The following CAPZB variants were observed in gnomAD, a reference collection of about 807,000 sequenced individuals.
CAPZB encodes capping actin protein of muscle Z-line subunit beta, also known as F-actin-capping protein subunit beta.
CAPZB carries 2 observed loss-of-function variants against 38.1 expected under a neutral mutation model. The ratio of observed to expected loss-of-function variants is 0.05; its 90% CI spans 0.02 to 0.17. The LOEUF (loss-of-function observed/expected upper bound fraction) is 0.17. Among genes scored for constraint, CAPZB ranks in the 10% least tolerant of loss-of-function variants. CAPZB has a pLI of 1.00. For missense variants in CAPZB, 161 were observed against 334.2 expected (o/e 0.48, Z 4.04); for synonymous variants, 107 against 127.4 (o/e 0.84, Z 1.08).
intron 1 of CAPZB, among the ~76,000 whole-genome samples, chr1:19,428,308 C>A (rs546426456): frequency 6.6e-6 from 1 of 152,066 alleles, no homozygotes; most frequent in African/African-American, 2.4e-5. Flanking sequence ...GAGGCTGAGG[C>A]AGGAGAATCA....
chr1:19,392,307 C>G (rs1461672622), intron 2 of CAPZB, among the ~76,000 whole-genome samples: 3 of 151,842 alleles, frequency 2.0e-5, no homozygotes, highest in Non-Finnish European at 2.9e-5. Context: ...GAATAATGAC[C>G]AAGGAGCCGG....
chr1:19,386,352 C>T (rs536063014), intron 2 of CAPZB, among the ~76,000 whole-genome samples: 1 of 152,236 alleles, frequency 6.6e-6, no homozygotes, highest in Admixed American at 6.5e-5. Flanking sequence ...ACTCAAACAT[C>T]AATTTCTACC....
At chr1:19,477,457 G>C (rs922928539) in intron 1 of CAPZB, among the ~76,000 whole-genome samples, 5 of 152,238 alleles carry the variant, frequency 3.3e-5, no homozygotes, top group Non-Finnish European at 7.3e-5. Context: ...TTTGGAGTCT[G>C]AGTTCCTCAG....
intron 2 of CAPZB, among the ~76,000 whole-genome samples, chr1:19,404,501 G>A (rs907026142): frequency 2.1e-5 from 3 of 143,436 alleles, no homozygotes; most frequent in African/African-American, 7.8e-5. Context: ...ACGAGATCAC[G>A]CCACTGTACT....
At chr1:19,419,943 G>A in intron 1 of CAPZB, 193 bp from the exon 2 acceptor site, 1 of 532,068 alleles carries the variant, frequency 1.9e-6, no homozygotes, top group Non-Finnish European at 3.3e-6. Flanking sequence ...CCCTTTGACA[G>A]CAGTCTCTGT....
intron 6 of CAPZB, among the ~76,000 whole-genome samples, chr1:19,352,699 G>A (rs560682440): frequency 5.9e-5 from 9 of 152,366 alleles, no homozygotes; most frequent in East Asian, 3.9e-4. Context: ...CCTTCACTCC[G>A]ACAGCCTCAC....
chr1:19,387,605 G>A (rs1008565095), intron 2 of CAPZB, among the ~76,000 whole-genome samples: 8 of 152,180 alleles, frequency 5.3e-5, no homozygotes, highest in Non-Finnish European at 7.3e-5. Flanking sequence ...TCTCTGGTTG[G>A]AGTCCTGACA....
chr1:19,434,997 G>GAAAA (rs3048150), intron 1 of CAPZB, among the ~76,000 whole-genome samples: 1 of 134,442 alleles, frequency 7.4e-6, no homozygotes. Context: ...TGTCTCAAAG[G>GAAAA]AAAAAAAAAA....
chr1:19,391,953 G>C (rs111561774), intron 2 of CAPZB, among the ~76,000 whole-genome samples: 2,525 of 152,228 alleles, frequency 0.017, 66 homozygotes, highest in African/African-American at 0.057. Flanking sequence ...GGCTGAGGAG[G>C]GTGGATCACT....
chr1:19,347,256 A>C (rs2100260488), intron 6 of CAPZB, among the ~76,000 whole-genome samples: 1 of 152,302 alleles, frequency 6.6e-6, no homozygotes, highest in East Asian at 1.9e-4. Flanking sequence ...GCACATTTTA[A>C]ACTCAGAGAT....
At chr1:19,408,565 C>T (rs1307364150) in intron 2 of CAPZB, among the ~76,000 whole-genome samples, 1 of 152,200 alleles carries the variant, frequency 6.6e-6, no homozygotes, top group East Asian at 1.9e-4. Flanking sequence ...GATGGGGCAG[C>T]TCATAGGCCT....
At chr1:19,442,185 T>C (rs2094479689) in intron 1 of CAPZB, among the ~76,000 whole-genome samples, 1 of 152,152 alleles carries the variant, frequency 6.6e-6, no homozygotes, top group South Asian at 2.1e-4. Context: ...GGCTCACAAA[T>C]TTTTTAACTG....
At chr1:19,431,647 G>C (rs542989506) in intron 1 of CAPZB, among the ~76,000 whole-genome samples, 26 of 152,088 alleles carry the variant, frequency 1.7e-4, no homozygotes, top group African/African-American at 6.0e-4. Flanking sequence ...CGTGAACCCA[G>C]GAGGCGGAGC....
intron 2 of CAPZB, 105 bp from the exon 3 acceptor site, chr1:19,385,731 T>C: frequency 7.1e-7 from 1 of 1,407,154 alleles, no homozygotes. Context: ...CTTTAACATC[T>C]GGCCCTGGGC....
At chr1:19,420,609 G>T (rs12027702) in intron 1 of CAPZB, among the ~76,000 whole-genome samples, 44,165 of 150,122 alleles carry the variant, frequency 0.29, 6,958 homozygotes, top group Middle Eastern at 0.38. Flanking sequence ...TGGGGGGGAG[G>T]GGGGGAACAT....
intron 2 of CAPZB, among the ~76,000 whole-genome samples, chr1:19,399,201 A>T (rs2094289840): frequency 6.6e-6 from 1 of 152,164 alleles, no homozygotes; most frequent in Non-Finnish European, 1.5e-5. Context: ...TGGACCGTAC[A>T]CTTTAAAAGT....
intron 4 of CAPZB, among the ~76,000 whole-genome samples, chr1:19,366,328 T>C (rs1185918277): frequency 1.5e-5 from 2 of 132,094 alleles, no homozygotes; most frequent in Non-Finnish European, 3.1e-5. Flanking sequence ...TAAATGGTCA[T>C]GAGGGACACT....
chr1:19,428,469 AGTG>A (rs986836210), intron 1 of CAPZB, among the ~76,000 whole-genome samples: 1 of 152,088 alleles, frequency 6.6e-6, no homozygotes, highest in African/African-American at 2.4e-5. Flanking sequence ...TGAACAATTC[AGTG>A]GCTATGTTAA....
chr1:19,437,213 T>TA lies in CAPZB; in HGVS notation c.4-17464dup, dbSNP rs2094460955. On this transcript the variant is annotated intron_variant, in intron 1 of 8. Transcript: ENST00000264202. The stretch of plus-strand genomic sequence containing the variant: ...TCATTAAAAGCAAACAGTCTTGCAA[T>TA]AAGGAACCGTAAGCTAGGAAGGCCT... Among the ~76,000 whole-genome samples, 3 of 152,280 alleles carry TA rather than the reference T, an allele frequency of 2.0e-5. No homozygotes were observed. In the South Asian group the frequency reaches 6.2e-4, roughly 32 times the overall value.
Sources: allele counts gnomAD v4.1 joint callset (sites outside exome capture counted in the v4.1 genomes callset), GRCh38; gene constraint gnomAD v4.1.1; transcripts MANE v1.5; gene names NCBI Gene and HGNC (gene_info 2026-07-23, HGNC 2026-07-21).